GAP43: variants seen among roughly 807,000 people sequenced by gnomAD.
GAP43 encodes neuromodulin.
In GAP43, 6 loss-of-function variants were observed where a neutral mutation model predicts 18.6. That is an observed-to-expected ratio of 0.32 (90% CI 0.18 to 0.64). The LOEUF (loss-of-function observed/expected upper bound fraction) is 0.64. Among genes scored for constraint, GAP43 ranks in the 30% least tolerant of loss-of-function variants. The pLI is 0.78. For missense variants in GAP43, 292 were observed against 295.5 expected, an observed-to-expected ratio of 0.99 and a Z score of 0.09; for synonymous variants, 115 against 111.4, an observed-to-expected ratio of 1.03 and a Z score of -0.20.
chr3:115,714,024 A>G (rs904391222), intron 2 of GAP43, among the ~76,000 whole-genome samples: 5 of 152,150 alleles, frequency 3.3e-5, no homozygotes, highest in African/African-American at 1.2e-4. Context: ...TCTCCAATAA[A>G]CAACACATTA....
chr3:115,640,744 G>C (rs1199261784), intron 1 of GAP43, among the ~76,000 whole-genome samples: 1 of 152,028 alleles, frequency 6.6e-6, no homozygotes. Context: ...TTCCAGTGAA[G>C]GGTCAAGAGG....
intron 1 of GAP43, among the ~76,000 whole-genome samples, chr3:115,639,831 TCC>T (rs1240137480): frequency 1.2e-4 from 19 of 152,068 alleles, no homozygotes; most frequent in African/African-American, 4.1e-4. Flanking sequence ...GGAATGGGCT[TCC>T]CCTTATAATT....
intron 2 of GAP43, among the ~76,000 whole-genome samples, chr3:115,698,212 A>ATATATATAAAATATATAT (rs1553724646): frequency 1.2e-4 from 2 of 16,594 alleles, no homozygotes; most frequent in East Asian, 4.8e-3. Context: ...ATATTATATA[A>ATATATATAAAATATATAT]AATATATAAT....
At chr3:115,696,978 G>A (rs186281233) in intron 2 of GAP43, among the ~76,000 whole-genome samples, 64 of 151,606 alleles carry the variant, frequency 4.2e-4, no homozygotes, top group Non-Finnish European at 5.5e-4. Flanking sequence ...CACTACAGGC[G>A]CCCACCACAC....
rs189136952 is a variant in GAP43, at chr3:115,659,914, A to G, written c.31-16099A>G. On this transcript the variant is annotated intron_variant, in intron 1 of 2. Coordinates refer to ENST00000305124, the MANE Select transcript of GAP43 (RefSeq NM_002045.4). ...ATTTTTAGCAGCCCCCTCCCCCGCAACTAGGACAGTGAGTTCCATTCAGAT... is the reference window on the plus strand; with the variant it reads ...ATTTTTAGCAGCCCCCTCCCCCGCAGCTAGGACAGTGAGTTCCATTCAGAT... Among the ~76,000 whole-genome samples the G allele has an allele frequency of 2.8e-3, 422 of 152,308 alleles. 1 individual carries two copies. The highest frequency in any genetic ancestry group is 4.0e-3 in the Non-Finnish European group (275 of 68,018).
chr3:115,700,974 A>G lies in GAP43; in HGVS notation c.629-19820A>G, dbSNP rs1559805194. ...CAGACATCAAACATGACCCAGTCAA[A>G]TGACAGTAAGACTATGACAAAATGT... On this transcript the variant is annotated intron_variant, in intron 2 of 2. Transcript: ENST00000305124. 5.3e-5 allele frequency among the ~76,000 whole-genome samples: 8 copies of G among 152,146 alleles called. No homozygotes were observed. In the South Asian group the frequency reaches 1.7e-3, roughly 32 times the overall value.
chr3:115,638,086 T>C (rs1708353098), intron 1 of GAP43, among the ~76,000 whole-genome samples: 1 of 152,056 alleles, frequency 6.6e-6, no homozygotes. Flanking sequence ...CCATTTTTCA[T>C]GGAGACTAAT....
At chr3:115,679,013 C>G (rs1708926199) in intron 2 of GAP43, among the ~76,000 whole-genome samples, 1 of 151,708 alleles carries the variant, frequency 6.6e-6, no homozygotes, top group South Asian at 2.1e-4. Flanking sequence ...GGTCCAAATT[C>G]CCAGGTGCCC....
intron 2 of GAP43, among the ~76,000 whole-genome samples, chr3:115,696,176 C>G (rs1275508575): frequency 6.6e-6 from 1 of 152,118 alleles, no homozygotes; most frequent in Non-Finnish European, 1.5e-5. Flanking sequence ...ACTTGGATAT[C>G]TAATAGATAC....
At chr3:115,707,521 G>T (rs1297981769) in intron 2 of GAP43, among the ~76,000 whole-genome samples, 1 of 152,014 alleles carries the variant, frequency 6.6e-6, no homozygotes, top group African/African-American at 2.4e-5. Flanking sequence ...GAACTCCTGG[G>T]CTCAAGTGAT....
intron 2 of GAP43, among the ~76,000 whole-genome samples, chr3:115,687,892 A>C (rs973806707): frequency 2.0e-5 from 3 of 152,136 alleles, no homozygotes; most frequent in African/African-American, 7.2e-5. Context: ...ACTTAGCTTG[A>C]ATTGTTTATT....
intron 1 of GAP43, among the ~76,000 whole-genome samples, chr3:115,626,704 T>C (rs1708191503): frequency 6.6e-6 from 1 of 152,152 alleles, no homozygotes; most frequent in African/African-American, 2.4e-5. Context: ...ATAATGACTT[T>C]AGTTTGTAAT....
At position 115,712,982 on chromosome 3, in the gene GAP43, GA is replaced by G. The variant is rs150529130; in HGVS notation, c.629-7809del. 9.9e-3 allele frequency among the ~76,000 whole-genome samples: 1,503 copies of G among 152,288 alleles called. 25 individuals are homozygous for G. Among genetic ancestry groups the G allele is most frequent in the African/African-American group, 0.035 (1,450 of 41,562 alleles). On this transcript the variant is annotated intron_variant, in intron 2 of 2. Transcript: ENST00000305124. ...TGCATAATTCTCCTCACATCAAAATGAAATATACTGGCTCAGTGTTTTGAAA... is the reference window on the plus strand; with the variant it reads ...TGCATAATTCTCCTCACATCAAAATGAATATACTGGCTCAGTGTTTTGAAA...
intron 1 of GAP43, among the ~76,000 whole-genome samples, chr3:115,668,089 C>A (rs901047228): frequency 6.6e-6 from 1 of 152,188 alleles, no homozygotes; most frequent in Non-Finnish European, 1.5e-5. Context: ...GCTGACTTCC[C>A]ATAGGTATTT....
intron 2 of GAP43, among the ~76,000 whole-genome samples, chr3:115,683,104 C>A (rs1708976283): frequency 6.7e-6 from 1 of 148,830 alleles, no homozygotes; most frequent in Admixed American, 6.7e-5. Context: ...AAATATTTTT[C>A]TTTTTTCTCT....
chr3:115,698,926 G>A (rs3772933), intron 2 of GAP43, among the ~76,000 whole-genome samples: 31,267 of 151,988 alleles, frequency 0.21, 3,768 homozygotes, highest in Admixed American at 0.31. Context: ...CAACCCTTAC[G>A]TATGACAACA....
chr3:115,640,382 G>A (rs1354714295), intron 1 of GAP43, among the ~76,000 whole-genome samples: 1 of 152,024 alleles, frequency 6.6e-6, no homozygotes, highest in Non-Finnish European at 1.5e-5. Context: ...GTAGAATTTT[G>A]AGAGACCCGC....
intron 1 of GAP43, among the ~76,000 whole-genome samples, chr3:115,633,110 T>C (rs1708280723): frequency 1.3e-5 from 2 of 152,082 alleles, no homozygotes; most frequent in Admixed American, 1.3e-4. Context: ...CAGGAATTCA[T>C]AAACTCTTTC....
In GAP43 at chr3:115,675,010, A is replaced by G. The variant is rs28399387; in HGVS notation, c.31-1003A>G. ...TTCTCAAAAACCCTGTAAACCCTCT[A>G]TCTTTCAGAGCTCTTTAATAAAAAC... On this transcript the variant is annotated intron_variant, in intron 1 of 2. Coordinates refer to ENST00000305124, the MANE Select transcript of GAP43 (RefSeq NM_002045.4). Among the ~76,000 whole-genome samples, 16 of 152,262 alleles carry G rather than the reference A, an allele frequency of 1.1e-4. No individual in the cohort carries two copies. The East Asian group carries it at 2.9e-3, about 28-fold the overall frequency.
Sources: allele counts gnomAD v4.1 joint callset (sites outside exome capture counted in the v4.1 genomes callset), GRCh38; gene constraint gnomAD v4.1.1; transcripts MANE v1.5; gene names NCBI Gene and HGNC (gene_info 2026-07-23, HGNC 2026-07-21).